Variants in ANKRD13B observed in about 807,000 individuals in gnomAD.
ANKRD13B encodes the protein ankyrin repeat domain-containing protein 13B.
Under a neutral mutation model 74.4 loss-of-function variants are expected in ANKRD13B, and 33 were observed. That is an observed-to-expected ratio of 0.44 (90% CI 0.34 to 0.59). The LOEUF (loss-of-function observed/expected upper bound fraction) is 0.59, where lower values mean the gene tolerates loss of function less well. Ranked by LOEUF, ANKRD13B falls within the 20% of genes least tolerant of loss-of-function variation. The pLI, the probability that ANKRD13B is intolerant of heterozygous loss-of-function variation, is 0.02. For missense variants in ANKRD13B, 676 were observed against 877.9 expected (o/e 0.77, Z 2.91); for synonymous variants, 341 against 362.9 (o/e 0.94, Z 0.68).
At chr17:29,610,166 T>C (rs868575785) in intron 7 of ANKRD13B, among the ~76,000 whole-genome samples, 39 of 142,820 alleles carry the variant, frequency 2.7e-4, no homozygotes, top group Middle Eastern at 3.8e-3. Context: ...CACTCCAGCC[T>C]GGGCAACAGA....
In ANKRD13B at chr17:29,608,300, C is replaced by T; in HGVS notation, c.421+60C>T. 6.2e-7 allele frequency: 1 copy of T among 1,605,284 alleles called. No homozygotes were observed. Among genetic ancestry groups the T allele is most frequent in the South Asian group, 1.1e-5 (1 of 90,344 alleles). Reference sequence around the variant, plus strand: ...CCCACTTTAGGTCCTGCGCTTGCTCCCCTGCCTGGAATGTGTTCTCATAGT... The same window carrying T: ...CCCACTTTAGGTCCTGCGCTTGCTCTCCTGCCTGGAATGTGTTCTCATAGT... On this transcript the variant is annotated intron_variant, in intron 4 of 14. Transcript: ENST00000394859. The surrounding 1 kb of genome is among the most constrained non-coding windows in gnomAD (Gnocchi z 6.4).
intron 8 of ANKRD13B, 145 bp downstream of exon 8, chr17:29,610,911 C>A: frequency 1.2e-6 from 1 of 827,808 alleles, no homozygotes; most frequent in Non-Finnish European, 1.9e-6. Flanking sequence ...ATTCAGGTGC[C>A]AAGCCCTAAG....
intron 1 of ANKRD13B, among the ~76,000 whole-genome samples, chr17:29,600,333 C>T (rs899714111): frequency 6.6e-6 from 1 of 152,096 alleles, no homozygotes; most frequent in African/African-American, 2.4e-5. Flanking sequence ...GCAGGCTGGC[C>T]TGTTCATTGT....
At chr17:29,596,103 G>A (rs2033944619) in intron 1 of ANKRD13B, among the ~76,000 whole-genome samples, 1 of 152,240 alleles carries the variant, frequency 6.6e-6, no homozygotes, top group South Asian at 2.1e-4. Flanking sequence ...CAGGAGCCAG[G>A]TTTCCCTGGT....
chr17:29,605,395 T>C (rs1335770181), intron 1 of ANKRD13B, among the ~76,000 whole-genome samples: 2 of 147,362 alleles, frequency 1.4e-5, no homozygotes, highest in Non-Finnish European at 3.0e-5. Context: ...TATAGAGAAA[T>C]ATATATATAT....
At position 29,612,639 on chromosome 17, in the gene ANKRD13B, C is replaced by A. The variant is rs1354200667; in HGVS notation, c.1412-13C>A. The A allele has an allele frequency of 6.5e-7, 1 of 1,530,510 alleles. No homozygotes were observed. Among genetic ancestry groups the A allele is most frequent in the South Asian group, 1.2e-5 (1 of 80,122 alleles). The allele number at this position is 1,530,510 out of a possible 1,614,324, so 94.8% of individuals were successfully genotyped here. A position where few individuals can be genotyped will look rare whatever the true frequency, so the allele number is the denominator to read the frequency against. On this transcript the variant is annotated splice_polypyrimidine_tract_variant and intron_variant, in intron 12 of 14. Coordinates refer to ENST00000394859, the MANE Select transcript of ANKRD13B (RefSeq NM_152345.5). This position sits in a 1 kb window ranked among gnomAD's most constrained non-coding sequence, Gnocchi z 6.1. ...GCGCCCGGCCGTGCCTGACCCAGCCCCCGCGCCCCCAGCCTCCTGCCGCGG... is the reference window on the plus strand; with the variant it reads ...GCGCCCGGCCGTGCCTGACCCAGCCACCGCGCCCCCAGCCTCCTGCCGCGG...
intron 7 of ANKRD13B, among the ~76,000 whole-genome samples, chr17:29,610,048 C>A (rs565799040): frequency 6.6e-6 from 1 of 152,044 alleles, no homozygotes; most frequent in Admixed American, 6.5e-5. Context: ...AAAAATTAGC[C>A]GGGTGTGGTA....
intron 1 of ANKRD13B, among the ~76,000 whole-genome samples, chr17:29,600,437 C>T (rs1339885054): frequency 6.6e-6 from 1 of 152,136 alleles, no homozygotes; most frequent in Non-Finnish European, 1.5e-5. Flanking sequence ...GCCAGTGGTT[C>T]AGGACCCAGG....
chr17:29,613,670 C>G lies in ANKRD13B; in HGVS notation c.*88C>G. On this transcript the variant is annotated 3_prime_UTR_variant, in exon 15 of 15. Coordinates refer to ENST00000394859, the MANE Select transcript of ANKRD13B (RefSeq NM_152345.5). The stretch of plus-strand genomic sequence containing the variant: ...AACCCCGGCCTGCGCGCCTGCAGAG[C>G]GGCGGCTGGAGACTGGAGCCACCGC... 1.5e-6 allele frequency: 2 copies of G among 1,371,886 alleles called. No individual in the cohort carries two copies. Among genetic ancestry groups the G allele is most frequent in the East Asian group, 6.2e-5 (2 of 32,454 alleles). 85.0% of individuals were successfully genotyped at this position (1,371,886 alleles called of 1,614,324 possible).
chr17:29,595,116 A>G (rs2033909946), intron 1 of ANKRD13B, among the ~76,000 whole-genome samples: 1 of 152,158 alleles, frequency 6.6e-6, no homozygotes, highest in Non-Finnish European at 1.5e-5. Flanking sequence ...TTGTTTATCT[A>G]TCATAAAGGC....
Position 29,609,250 on chromosome 17 carries a change from G to T in ANKRD13B, c.730G>T (p.Asp244Tyr). 6.2e-7 allele frequency: 1 copy of T among 1,613,052 alleles called. No homozygotes were observed. Among genetic ancestry groups the T allele is most frequent in the South Asian group, 1.1e-5 (1 of 91,052 alleles). The change falls in exon 6 of 15, where the codon GAC becomes TAC. Residue 244 changes from aspartate to tyrosine, a missense_variant. By Grantham distance (160) the Asp-to-Tyr change is radical. Around this residue, in one of 4 missense-constraint regions of ANKRD13B, gnomAD observed 328 missense variants for 518.4 expected, o/e 0.63. Coordinates refer to ENST00000394859, the MANE Select transcript of ANKRD13B (RefSeq NM_152345.5). The surrounding 1 kb of genome is among the most constrained non-coding windows in gnomAD (Gnocchi z 4.0). The part of the protein sequence containing the change: ...LTAPVVTTQL[D>Y]TKNISFERNK... ...CGCGCCCGTCGTCACCACTCAGCTT[G>T]ACACCAAGAATATCTCCTTTGAGAG...
At position 29,611,287 on chromosome 17, in the gene ANKRD13B, C is replaced by A. The variant is rs2034571025; in HGVS notation, c.905-292C>A. On this transcript the variant is annotated intron_variant, in intron 8 of 14. Coordinates refer to ENST00000394859, the MANE Select transcript of ANKRD13B (RefSeq NM_152345.5). The surrounding 1 kb of genome is among the most constrained non-coding windows in gnomAD (Gnocchi z 4.3). ...GCACACCCCACAGTGCCTGCCGGGG[C>A]AGGCGTTTTACTGTCCAGGGTCACC... Among the ~76,000 whole-genome samples the A allele has an allele frequency of 6.6e-6, 1 of 152,230 alleles. No individual in the cohort carries two copies. Among genetic ancestry groups the A allele is most frequent in the African/African-American group, 2.4e-5 (1 of 41,450 alleles).
In ANKRD13B at chr17:29,611,282, CG is replaced by C. The variant is rs1184909082; in HGVS notation, c.905-293del. Among the ~76,000 whole-genome samples, 1 of 152,206 alleles carries C rather than the reference CG, an allele frequency of 6.6e-6. No individual in the cohort carries two copies. Among genetic ancestry groups the C allele is most frequent in the African/African-American group, 2.4e-5 (1 of 41,442 alleles). ...CACATGCACACCCCACAGTGCCTGC[CG>C]GGGCAGGCGTTTTACTGTCCAGGGT... On this transcript the variant is annotated intron_variant, in intron 8 of 14. Transcript: ENST00000394859. This position sits in a 1 kb window ranked among gnomAD's most constrained non-coding sequence, Gnocchi z 4.3.
intron 1 of ANKRD13B, among the ~76,000 whole-genome samples, chr17:29,601,012 G>T (rs1005430738): frequency 6.8e-6 from 1 of 147,614 alleles, no homozygotes; most frequent in African/African-American, 2.5e-5. Context: ...GCAACCTCTG[G>T]CTCCCTGGCT....
At chr17:29,595,869 G>A (rs2033935670) in intron 1 of ANKRD13B, among the ~76,000 whole-genome samples, 1 of 152,164 alleles carries the variant, frequency 6.6e-6, no homozygotes, top group African/African-American at 2.4e-5. Flanking sequence ...TTCCCTAGCT[G>A]TCTCCCCTCT....
intron 1 of ANKRD13B, among the ~76,000 whole-genome samples, chr17:29,606,728 TAAAAAAAAAAAA>T (rs370548766): frequency 3.2e-4 from 20 of 62,972 alleles, no homozygotes; most frequent in South Asian, 1.3e-3. Context: ...CTGTCTCAAG[TAAAAAAAAAAAA>T]AAAAAAAAAA....
Position 29,609,947 on chromosome 17 carries a change from G to A in ANKRD13B, c.822+526G>A, listed in dbSNP as rs191315. ...GGTGGCTCATGCCTGTAATCCCAGC[G>A]CTTTGGGAGGCCGAGGTGAGCGGAT... is the stretch of plus-strand genomic sequence containing the variant. On this transcript the variant is annotated intron_variant, in intron 7 of 14. Transcript: ENST00000394859. The surrounding 1 kb of genome is among the most constrained non-coding windows in gnomAD (Gnocchi z 4.0). Among the ~76,000 whole-genome samples the A allele has an allele frequency of 5.9e-5, 9 of 151,994 alleles. No homozygotes were observed. Among genetic ancestry groups the A allele is most frequent in the African/African-American group, 1.9e-4 (8 of 41,368 alleles).
chr17:29,598,765 G>A (rs2034050152), intron 1 of ANKRD13B, among the ~76,000 whole-genome samples: 1 of 152,174 alleles, frequency 6.6e-6, no homozygotes, highest in Admixed American at 6.5e-5. Flanking sequence ...TGCTCAGGCT[G>A]GTCTCGAACT....
rs1453409281 is a variant in ANKRD13B at position 29,614,740 on chromosome 17, A to C, written c.*1158A>C. On this transcript the variant is annotated 3_prime_UTR_variant, in exon 15 of 15. Transcript: ENST00000394859. ...GCACCAGACTGATTCTGAGGCACAA[A>C]TAAAAGAGGCTTCATACCGGAGGCT... The C allele has an allele frequency of 2.0e-5, 3 of 152,556 alleles. No homozygotes were observed. Among genetic ancestry groups the C allele is most frequent in the African/African-American group, 7.2e-5 (3 of 41,464 alleles). 9.5% of individuals were successfully genotyped at this position (152,556 alleles called of 1,614,324 possible).
Sources: allele counts gnomAD v4.1 joint callset (sites outside exome capture counted in the v4.1 genomes callset), GRCh38; gene constraint gnomAD v4.1.1; regional missense constraint gnomAD v4.1.1; non-coding constraint Gnocchi (gnomAD v3.1); transcripts MANE v1.5; gene names NCBI Gene and HGNC (gene_info 2026-07-23, HGNC 2026-07-21).